The following COL5A2 variants were observed in gnomAD, a reference collection of about 807,000 sequenced individuals.
The protein encoded by COL5A2 is collagen type V alpha 2 chain, also known as collagen alpha-2(V) chain.
COL5A2 carries 23 observed loss-of-function variants against 208.2 expected under a neutral mutation model. That is an observed-to-expected ratio of 0.11 (90% confidence interval 0.08 to 0.16). The LOEUF (loss-of-function observed/expected upper bound fraction) is 0.16. COL5A2 is among the 10% of genes least tolerant of loss of function. The pLI, the probability that COL5A2 is intolerant of heterozygous loss-of-function variation, is 1.00. For missense variants in COL5A2, 1,590 were observed against 1,956.4 expected (o/e 0.81, Z 3.53); for synonymous variants, 625 against 628.5 (o/e 0.99, Z 0.08).
the COL5A2 span, among the ~76,000 whole-genome samples, chr2:189,379,218 C>G: frequency 2.0e-5 from 3 of 152,094 alleles, no homozygotes; most frequent in Non-Finnish European, 2.9e-5. Flanking sequence ...ATGGATTACA[C>G]AGTCTTTAAA....
At chr2:189,305,259 G>A in the COL5A2 span, among the ~76,000 whole-genome samples, 4 of 152,180 alleles carry the variant, frequency 2.6e-5, no homozygotes, top group Non-Finnish European at 4.4e-5. Flanking sequence ...GCAGAGCTTC[G>A]CATTTACGAG....
the COL5A2 span, among the ~76,000 whole-genome samples, chr2:189,319,249 G>C: frequency 6.6e-6 from 1 of 151,854 alleles, no homozygotes; most frequent in Admixed American, 6.6e-5. Flanking sequence ...CGGCGCAGAA[G>C]ATGGGTGATT....
At chr2:189,277,161 G>A in the COL5A2 span, among the ~76,000 whole-genome samples, 1 of 151,876 alleles carries the variant, frequency 6.6e-6, no homozygotes, top group Non-Finnish European at 1.5e-5. Flanking sequence ...ACATAATTTG[G>A]GGACCAAACT....
chr2:189,316,760 T>C, the COL5A2 span, among the ~76,000 whole-genome samples: 1 of 141,012 alleles, frequency 7.1e-6, no homozygotes. Context: ...AAAATTTATT[T>C]ATTTATTTTT....
chr2:189,065,156 G>A, intron 23 of COL5A2, 99 bp from the exon 24 acceptor site: 1 of 1,122,828 alleles, frequency 8.9e-7, no homozygotes, highest in Non-Finnish European at 1.3e-6. Context: ...AGTTTTAGGA[G>A]CCATCATCAA....
Position 189,069,217 on chromosome 2 carries a change from C to T in COL5A2, c.1159-333G>A, listed in dbSNP as rs151059762. 3.9e-5 allele frequency among the ~76,000 whole-genome samples: 6 copies of T among 152,270 alleles called. No individual in the cohort carries two copies. The East Asian group carries it at 1.2e-3, about 29-fold the overall frequency. On this transcript the variant is annotated intron_variant, in intron 18 of 53. Transcript: ENST00000374866. The stretch of plus-strand genomic sequence containing the variant: ...TTCTTCCCACACCTATCAGAATTTA[C>T]ACTTATTACATATTAAACAGTTTAG...
At chr2:189,102,976 G>A (rs72906398) in intron 3 of COL5A2, among the ~76,000 whole-genome samples, 19,974 of 152,046 alleles carry the variant, frequency 0.13, 1,342 homozygotes, top group Middle Eastern at 0.19. Context: ...ACTACTTTTG[G>A]AGAAAGGCAG....
chr2:189,421,318 C>A, the COL5A2 span, among the ~76,000 whole-genome samples: 3 of 152,054 alleles, frequency 2.0e-5, no homozygotes, highest in Non-Finnish European at 4.4e-5. Context: ...ACAATCATCA[C>A]CCCACAAAAA....
chr2:189,212,638 C>CA (rs56171271), intron 1 of COL5A2, among the ~76,000 whole-genome samples: 19,738 of 129,088 alleles, frequency 0.15, 2,349 homozygotes, highest in African/African-American at 0.33. Context: ...GACTCAGTCT[C>CA]AAAAAAAAAA....
the COL5A2 span, among the ~76,000 whole-genome samples, chr2:189,437,789 A>C: frequency 7.9e-5 from 12 of 152,290 alleles, no homozygotes; most frequent in African/African-American, 2.9e-4. Context: ...CCTATCACTA[A>C]GTAATTCATG....
At chr2:189,074,428 GC>G (rs1686351737) in intron 17 of COL5A2, among the ~76,000 whole-genome samples, 1 of 151,924 alleles carries the variant, frequency 6.6e-6, no homozygotes, top group African/African-American at 2.4e-5. Flanking sequence ...TCCATACCAA[GC>G]ACAAAAAAGC....
chr2:189,327,398 G>T, the COL5A2 span, among the ~76,000 whole-genome samples: 7 of 152,044 alleles, frequency 4.6e-5, no homozygotes, highest in African/African-American at 1.7e-4. Flanking sequence ...GAGAAAACAG[G>T]AGGAAGAGGA....
At chr2:189,226,671 A>G (rs1689423524), upstream of COL5A2, among the ~76,000 whole-genome samples, 1 of 152,248 alleles carries the variant, frequency 6.6e-6, no homozygotes, top group Non-Finnish European at 1.5e-5. Flanking sequence ...CACTGAGAAC[A>G]GAAAAAGAAC....
chr2:189,362,599 T>C, the COL5A2 span, among the ~76,000 whole-genome samples: 1 of 152,158 alleles, frequency 6.6e-6, no homozygotes, highest in Admixed American at 6.5e-5. Context: ...TTTTTATTTA[T>C]AATTTTCCTG....
At chr2:189,199,511 AC>A (rs1689045548) in intron 1 of COL5A2, among the ~76,000 whole-genome samples, 2 of 152,192 alleles carry the variant, frequency 1.3e-5, no homozygotes, top group Admixed American at 1.3e-4. Context: ...GCATGGTCAC[AC>A]CCACTACAAG....
chr2:189,079,804 C>G (rs1039093416), intron 14 of COL5A2, among the ~76,000 whole-genome samples, 174 bp downstream of exon 14: 2 of 152,150 alleles, frequency 1.3e-5, no homozygotes. Flanking sequence ...CATATCAAGT[C>G]ATGTCATGGT....
chr2:189,166,259 T>C (rs1288672279), intron 1 of COL5A2, among the ~76,000 whole-genome samples: 1 of 152,082 alleles, frequency 6.6e-6, no homozygotes, highest in East Asian at 1.9e-4. Context: ...TCCTGCAGTC[T>C]CCATAGAGGC....
At chr2:189,080,603 G>T (rs1686509846) in intron 13 of COL5A2, among the ~76,000 whole-genome samples, 1 of 152,072 alleles carries the variant, frequency 6.6e-6, no homozygotes, top group African/African-American at 2.4e-5. Flanking sequence ...AGTCTAGGTA[G>T]ACTGGGTCCC....
chr2:189,285,298 G>C, the COL5A2 span, among the ~76,000 whole-genome samples: 1 of 151,784 alleles, frequency 6.6e-6, no homozygotes, highest in Non-Finnish European at 1.5e-5. Context: ...TTTCCCCAAG[G>C]CTCGACAAAT....
Sources: allele counts gnomAD v4.1 joint callset (sites outside exome capture counted in the v4.1 genomes callset), GRCh38; gene constraint gnomAD v4.1.1; transcripts MANE v1.5; gene names NCBI Gene and HGNC (gene_info 2026-07-23, HGNC 2026-07-21).